CNTNAP2: variants seen among roughly 807,000 people sequenced by gnomAD.
CNTNAP2 encodes contactin-associated protein-like 2.
CNTNAP2 carries 98 observed loss-of-function variants against 155.2 expected under a neutral mutation model. The observed-to-expected ratio is 0.63, with a 90% CI of 0.54 to 0.75. CNTNAP2 has a LOEUF of 0.75. CNTNAP2 is among the 30% of genes least tolerant of loss of function. The pLI is 0.00. For synonymous variants in CNTNAP2, 651 were observed against 631.2 expected (o/e 1.03, Z -0.47); for missense variants, 1,727 against 1,688.1 (o/e 1.02, Z -0.40).
At position 146,764,269 on chromosome 7, in the gene CNTNAP2, C is replaced by T. The variant is rs867558257; in HGVS notation, c.98-10002C>T. Among the ~76,000 whole-genome samples the T allele has an allele frequency of 3.3e-5, 5 of 152,144 alleles. No homozygotes were observed. In the South Asian group the frequency reaches 6.2e-4, roughly 19 times the overall value. ...AGTTCTAGGTAGCTCGACCTTCTTA[C>T]GAGACTGTAGAATTTGAGTTAAAAA... On this transcript the variant is annotated intron_variant, in intron 1 of 23. Transcript: ENST00000361727.
At chr7:146,372,333 T>G (rs182822498) in intron 1 of CNTNAP2, among the ~76,000 whole-genome samples, 39 of 152,322 alleles carry the variant, frequency 2.6e-4, no homozygotes, top group African/African-American at 9.4e-4. Context: ...TAAATGGTTT[T>G]CAGAGTAGCA....
intron 16 of CNTNAP2, among the ~76,000 whole-genome samples, chr7:148,128,674 A>G (rs1804765006): frequency 6.6e-6 from 1 of 152,234 alleles, no homozygotes; most frequent in Non-Finnish European, 1.5e-5. Flanking sequence ...TGGATTTTAG[A>G]ATAGAATGTC....
intron 2 of CNTNAP2, among the ~76,000 whole-genome samples, chr7:146,781,887 G>A (rs1214512948): frequency 6.6e-6 from 1 of 152,102 alleles, no homozygotes; most frequent in East Asian, 1.9e-4. Flanking sequence ...GCGCGTCCAT[G>A]AGGGCATTGT....
At chr7:146,436,678 A>ACACCTTCCTCCAAATCTTAAT (rs1796248276) in intron 1 of CNTNAP2, among the ~76,000 whole-genome samples, 42 of 147,586 alleles carry the variant, frequency 2.8e-4, no homozygotes, top group African/African-American at 1.0e-3. Context: ...AACCTCTAAA[A>ACACCTTCCTCCAAATCTTAAT]CTTGATAAAT....
intron 1 of CNTNAP2, among the ~76,000 whole-genome samples, chr7:146,354,411 A>AT (rs10641636): frequency 0.25 from 33,637 of 135,192 alleles, 4,672 homozygotes; most frequent in Admixed American, 0.39. Flanking sequence ...TCTTGTTAGT[A>AT]TTTTTTTTTT....
intron 1 of CNTNAP2, among the ~76,000 whole-genome samples, chr7:146,691,199 A>C (rs1800692204): frequency 6.6e-6 from 1 of 151,634 alleles, no homozygotes; most frequent in East Asian, 1.9e-4. Flanking sequence ...ATGCTGAGTC[A>C]TAATGATAAA....
Position 148,043,106 on chromosome 7 carries a change from G to A in CNTNAP2, c.2383+65117G>A, listed in dbSNP as rs528815773. ...GACACTACATCTCTGACATTTTGAC[G>A]TGATACATATTCCATCAGCCTGATA... On this transcript the variant is annotated intron_variant, in intron 15 of 23. Coordinates refer to ENST00000361727, the MANE Select transcript of CNTNAP2 (RefSeq NM_014141.6). Among the ~76,000 whole-genome samples, 9 of 152,296 alleles carry A rather than the reference G, an allele frequency of 5.9e-5. No individual in the cohort carries two copies. In the South Asian group the frequency reaches 1.0e-3, roughly 18 times the overall value.
At chr7:146,653,766 C>T (rs1799952899) in intron 1 of CNTNAP2, among the ~76,000 whole-genome samples, 1 of 152,014 alleles carries the variant, frequency 6.6e-6, no homozygotes, top group Admixed American at 6.6e-5. Flanking sequence ...ATGGGTGGGG[C>T]ATTGTAGATC....
chr7:147,884,494 GAAA>G (rs35756362), intron 13 of CNTNAP2, among the ~76,000 whole-genome samples: 11 of 145,928 alleles, frequency 7.5e-5, no homozygotes, highest in African/African-American at 2.2e-4. Context: ...TGCCTCGCCA[GAAA>G]AAAAAAAAAA....
At chr7:147,855,052 A>T (rs1563112594) in intron 13 of CNTNAP2, among the ~76,000 whole-genome samples, 1 of 152,172 alleles carries the variant, frequency 6.6e-6, no homozygotes, top group East Asian at 1.9e-4. Context: ...TTAAAAATTC[A>T]TCTGTTTCTT....
At chr7:148,048,347 A>G (rs972351467) in intron 15 of CNTNAP2, among the ~76,000 whole-genome samples, 1 of 152,148 alleles carries the variant, frequency 6.6e-6, no homozygotes, top group African/African-American at 2.4e-5. Context: ...TTTCATAACA[A>G]TTATCTTTTA....
intron 3 of CNTNAP2, among the ~76,000 whole-genome samples, chr7:146,969,493 T>G (rs982610054): frequency 2.0e-5 from 3 of 152,156 alleles, no homozygotes; most frequent in African/African-American, 4.8e-5. Flanking sequence ...ATCTGGGTGC[T>G]CTTGTATTGG....
chr7:146,465,630 T>C (rs1159685968), intron 1 of CNTNAP2, among the ~76,000 whole-genome samples: 1 of 152,200 alleles, frequency 6.6e-6, no homozygotes, highest in East Asian at 1.9e-4. Context: ...ACAAGATGGC[T>C]AAATGTTTAA....
chr7:147,133,983 A>T (rs114895932), intron 8 of CNTNAP2, among the ~76,000 whole-genome samples: 2,781 of 152,144 alleles, frequency 0.018, 68 homozygotes, highest in African/African-American at 0.061. Flanking sequence ...ATCTGGAGAG[A>T]CCAGAAAAAC....
At chr7:148,011,242 T>C (rs1273430356) in intron 15 of CNTNAP2, among the ~76,000 whole-genome samples, 3 of 152,052 alleles carry the variant, frequency 2.0e-5, no homozygotes, top group Non-Finnish European at 4.4e-5. Flanking sequence ...TGTGTAGTTA[T>C]GTCCATTTAT....
chr7:147,301,573 G>GCT (rs1273428300), intron 9 of CNTNAP2, among the ~76,000 whole-genome samples: 43 of 139,274 alleles, frequency 3.1e-4, no homozygotes, highest in East Asian at 1.5e-3. Flanking sequence ...TAGTTATATA[G>GCT]CTCTCTCTCT....
At chr7:147,483,916 A>T (rs1258546730) in intron 10 of CNTNAP2, among the ~76,000 whole-genome samples, 1 of 152,144 alleles carries the variant, frequency 6.6e-6, no homozygotes, top group Non-Finnish European at 1.5e-5. Context: ...CCTCCTTATC[A>T]GTGCTTTTCT....
chr7:146,511,923 C>A (rs1797472391), intron 1 of CNTNAP2, among the ~76,000 whole-genome samples: 1 of 151,968 alleles, frequency 6.6e-6, no homozygotes. Flanking sequence ...ATATGGGAGG[C>A]TTTTTATTAC....
At chr7:146,858,743 AAT>A (rs1248767647) in intron 3 of CNTNAP2, among the ~76,000 whole-genome samples, 1 of 152,190 alleles carries the variant, frequency 6.6e-6, no homozygotes, top group Non-Finnish European at 1.5e-5. Flanking sequence ...CCCCATATGT[AAT>A]ATCAGTTGCT....
Sources: gnomAD v4.1 joint callset for allele counts (sites outside exome capture counted in the v4.1 genomes callset) on GRCh38, gnomAD v4.1.1 for gene constraint, MANE v1.5 for transcripts, NCBI Gene and HGNC (gene_info 2026-07-23, HGNC 2026-07-21) for gene names.